The following MKKS variants were observed in gnomAD, a reference collection of about 807,000 sequenced individuals.
MKKS encodes the protein molecular chaperone MKKS.
In MKKS, 29 loss-of-function variants were observed where a neutral mutation model predicts 33.2. The observed-to-expected ratio is 0.87, with a 90% CI of 0.65 to 1.19. MKKS has a LOEUF of 1.19. Ranked by LOEUF, MKKS falls within the 50% of genes most tolerant of loss-of-function variation. The probability of loss-of-function intolerance (pLI) is 0.00; values close to 1 mark genes in which losing one functional copy is unlikely to be tolerated. For missense variants in MKKS, 661 were observed against 662.3 expected, an observed-to-expected ratio of 1.00 and a Z score of 0.02; for synonymous variants, 260 against 244.0, an observed-to-expected ratio of 1.07 and a Z score of -0.61.
intron 5 of MKKS, 120 bp downstream of exon 5, chr20:10,407,496 C>T (rs1013362106): frequency 3.6e-6 from 3 of 834,848 alleles, no homozygotes; most frequent in Non-Finnish European, 5.9e-6. Context: ...TACATGCACC[C>T]CTGAACCTAA....
chr20:10,406,185 T>C (rs1383307394), intron 5 of MKKS, among the ~76,000 whole-genome samples: 1 of 152,238 alleles, frequency 6.6e-6, no homozygotes, highest in Non-Finnish European at 1.5e-5. Context: ...GTTTTAAAAA[T>C]GAATATTCTT....
chr20:10,419,473 AAC>A (rs1451562763), intron 2 of MKKS, among the ~76,000 whole-genome samples: 12 of 152,236 alleles, frequency 7.9e-5, no homozygotes, highest in Non-Finnish European at 1.5e-4. Flanking sequence ...GTGGAATAAA[AAC>A]AGTGACCTCC....
chr20:10,432,650 C>T (rs2065061534), intron 1 of MKKS, among the ~76,000 whole-genome samples: 1 of 152,056 alleles, frequency 6.6e-6, no homozygotes, highest in Non-Finnish European at 1.5e-5. Flanking sequence ...AAAAATTAGC[C>T]AGGTGCAGTG....
intron 2 of MKKS, among the ~76,000 whole-genome samples, chr20:10,415,138 TTAA>T (rs1167014371): frequency 3.3e-5 from 5 of 152,204 alleles, no homozygotes; most frequent in African/African-American, 1.2e-4. Flanking sequence ...TCCTGACACA[TTAA>T]TAATAATGTG....
chr20:10,421,472 G>A (rs1001214498), intron 1 of MKKS, among the ~76,000 whole-genome samples: 4 of 151,274 alleles, frequency 2.6e-5, no homozygotes, highest in Admixed American at 2.6e-4. Context: ...AGAATCAAAC[G>A]GTAATCCACA....
intron 4 of MKKS, among the ~76,000 whole-genome samples, chr20:10,408,278 C>G (rs1448693998): frequency 6.6e-6 from 1 of 152,164 alleles, no homozygotes; most frequent in Non-Finnish European, 1.5e-5. Flanking sequence ...GGAAACTCTG[C>G]TAAGAAGTGG....
rs1331236545 is a variant in MKKS at position 10,413,750 on chromosome 20, CTT to C, written c.-238_-237del. Reference sequence around the variant, plus strand: ...TTATTTTACTTCACTCTTCAATACTCTTTTGTTTGCTTTGAGACTGAAATTTT... The same window carrying C: ...TTATTTTACTTCACTCTTCAATACTCTTGTTTGCTTTGAGACTGAAATTTT... On this transcript the variant is annotated 5_prime_UTR_variant, in exon 3 of 6. The change creates a premature stop within an existing upstream ORF in the 5' untranslated region. Coordinates refer to ENST00000347364, the MANE Select transcript of MKKS (RefSeq NM_170784.3). The C allele has an allele frequency of 1.3e-5, 8 of 594,950 alleles. No individual in the cohort carries two copies. Among genetic ancestry groups the C allele is most frequent in the South Asian group, 1.3e-4 (6 of 45,306 alleles). 36.9% of individuals were successfully genotyped at this position (594,950 alleles called of 1,614,324 possible).
At chr20:10,422,213 A>C (rs1178986115) in intron 1 of MKKS, among the ~76,000 whole-genome samples, 1 of 152,176 alleles carries the variant, frequency 6.6e-6, no homozygotes, top group African/African-American at 2.4e-5. Context: ...ATATTTTATA[A>C]GGACTTTGTG....
chr20:10,432,789 C>T, intron 1 of MKKS, among the ~76,000 whole-genome samples: 1 of 74,590 alleles, frequency 1.3e-5, no homozygotes, highest in Non-Finnish European at 2.5e-5. Flanking sequence ...GACTCTTTGT[C>T]AAAAAAAAAA....
intron 2 of MKKS, among the ~76,000 whole-genome samples, chr20:10,417,864 T>C (rs6039917): frequency 1.6e-4 from 25 of 152,184 alleles, no homozygotes; most frequent in African/African-American, 5.8e-4. Context: ...AAAGAGGAAA[T>C]TGTTAAATGA....
chr20:10,429,085 TTCCCAGTACTACACAATC>T (rs2065036382), intron 1 of MKKS, among the ~76,000 whole-genome samples: 1 of 152,192 alleles, frequency 6.6e-6, no homozygotes, highest in Admixed American at 6.5e-5. Context: ...ACCATCTTCC[TTCCCAGTACTACACAATC>T]TCTTTCCTTT....
chr20:10,407,533 G>T, intron 5 of MKKS, 83 bp downstream of exon 5: 1 of 1,133,472 alleles, frequency 8.8e-7, no homozygotes, highest in Middle Eastern at 1.9e-4. Flanking sequence ...AAAGACTATA[G>T]GATATTATGA....
In MKKS at chr20:10,405,489, G is replaced by A; in HGVS notation, c.1471C>T (p.Pro491Ser). ...CAGCCACACTGTGAAAGCAAATCTGGCCAGTTAGCAACACAGGGAGAATCT... is the reference window on the plus strand; with the variant it reads ...CAGCCACACTGTGAAAGCAAATCTGACCAGTTAGCAACACAGGGAGAATCT... ...QADSPCVANW[P>S]DLLSQCGCGL... Residue 491 changes from proline (P) to serine (S), a missense_variant, in exon 6 of 6, where the codon CCA (proline) becomes TCA (serine). Physicochemically the swap from Pro to Ser is moderately conservative, Grantham distance 74 (BLOSUM62 -1). Coordinates refer to ENST00000347364, the MANE Select transcript of MKKS (RefSeq NM_170784.3). The A allele has an allele frequency of 1.2e-6, 2 of 1,614,152 alleles. No homozygotes were observed. Among genetic ancestry groups the A allele is most frequent in the Non-Finnish European group, 8.5e-7 (1 of 1,180,030 alleles).
chr20:10,431,699 G>C (rs1363079522), intron 1 of MKKS: 1 of 152,058 alleles, frequency 6.6e-6, no homozygotes, highest in African/African-American at 2.4e-5. Context: ...CTTTAGTTAC[G>C]GCAGGGAGTC....
intron 1 of MKKS, among the ~76,000 whole-genome samples, chr20:10,421,870 T>C (rs1376769595): frequency 6.6e-6 from 1 of 151,982 alleles, no homozygotes; most frequent in Non-Finnish European, 1.5e-5. Flanking sequence ...GGAACTTGAA[T>C]CTGGACAACC....
rs71184200 is a variant in MKKS, at chr20:10,432,789, C to CAAAAAAAA, written c.-649+1311_-649+1318dup. Among the ~76,000 whole-genome samples, 67 of 74,574 alleles carry CAAAAAAAA rather than the reference C, an allele frequency of 9.0e-4. 3 individuals carry two copies. The highest frequency in any genetic ancestry group is 1.3e-3 in the Non-Finnish European group (53 of 40,328). 48.9% of individuals were successfully genotyped at this position (74,574 alleles called of 152,430 possible). ...TGCGCGACAGAGCGAGACTCTTTGT[C>CAAAAAAAA]AAAAAAAAAAAAAAAAAAAAAAAAA... On this transcript the variant is annotated intron_variant, in intron 1 of 5. Transcript: ENST00000347364.
Position 10,405,503 on chromosome 20 carries a change from C to T in MKKS, c.1457G>A (p.Cys486Tyr), listed in dbSNP as rs375952682. Residue 486 changes from cysteine to tyrosine, a missense_variant, in exon 6 of 6, where the codon TGT becomes TAT. Coordinates refer to ENST00000347364, the MANE Select transcript of MKKS (RefSeq NM_170784.3). ...HLWSVQADSP[C>Y]VANWPDLLSQ... ...AAGCAAATCTGGCCAGTTAGCAACA[C>T]AGGGAGAATCTGCCTGAACTGACCA... 3.0e-5 allele frequency: 49 copies of T among 1,614,086 alleles called. No individual in the cohort carries two copies. In the African/African-American group the frequency reaches 4.9e-4, roughly 16 times the overall value.
At chr20:10,423,174 C>CA (rs1312886664) in intron 1 of MKKS, among the ~76,000 whole-genome samples, 5 of 152,100 alleles carry the variant, frequency 3.3e-5, no homozygotes, top group Non-Finnish European at 5.9e-5. Context: ...CAGTGGCTCA[C>CA]AAAAGTGTAA....
At chr20:10,414,077 A>T in intron 2 of MKKS, 146 bp from the exon 3 acceptor site, 1 of 369,326 alleles carries the variant, frequency 2.7e-6, no homozygotes. Context: ...TGAGAAAGGT[A>T]GACCAACTTT....
Sources: allele counts gnomAD v4.1 joint callset (sites outside exome capture counted in the v4.1 genomes callset), GRCh38; gene constraint gnomAD v4.1.1; transcripts MANE v1.5; gene names NCBI Gene and HGNC (gene_info 2026-07-23, HGNC 2026-07-21).